Variants in DLG5 observed in about 807,000 individuals in gnomAD.
DLG5 encodes discs large MAGUK scaffold protein 5.
In DLG5, 48 loss-of-function variants were observed where a neutral mutation model predicts 189.8. The ratio of observed to expected loss-of-function variants is 0.25; its 90% CI spans 0.20 to 0.32. The LOEUF (loss-of-function observed/expected upper bound fraction) is 0.32, where lower values mean the gene tolerates loss of function less well. Among genes scored for constraint, DLG5 ranks in the 10% least tolerant of loss-of-function variants. The probability of loss-of-function intolerance (pLI) is 1.00; values close to 1 mark genes in which losing one functional copy is unlikely to be tolerated. For missense variants in DLG5, 2,160 were observed against 2,544.7 expected (o/e 0.85, Z 3.25); for synonymous variants, 1,016 against 1,054.1 (o/e 0.96, Z 0.70).
intron 1 of DLG5, among the ~76,000 whole-genome samples, chr10:77,910,988 A>G (rs917343581): frequency 1.2e-4 from 8 of 68,868 alleles, no homozygotes; most frequent in African/African-American, 2.4e-4. Context: ...TGTCTGAAGG[A>G]AAAAAAAAAA....
chr10:77,932,329 T>A, the DLG5 span, among the ~76,000 whole-genome samples: 1 of 152,224 alleles, frequency 6.6e-6, no homozygotes, highest in African/African-American at 2.4e-5. Flanking sequence ...AGTACCTTGT[T>A]ATCTGCTGTA....
intron 1 of DLG5, among the ~76,000 whole-genome samples, chr10:77,876,373 CTTTTTTTTTTTT>C (rs60644218): frequency 7.4e-6 from 1 of 134,914 alleles, no homozygotes; most frequent in African/African-American, 2.7e-5. Flanking sequence ...CCCCATCTCT[CTTTTTTTTTTTT>C]TTTTTTTGAA....
At chr10:77,832,630 C>T (rs1488592757) in intron 9 of DLG5, among the ~76,000 whole-genome samples, 1 of 152,228 alleles carries the variant, frequency 6.6e-6, no homozygotes, top group Non-Finnish European at 1.5e-5. Flanking sequence ...ACACAGACCC[C>T]CTCACCAGCA....
At chr10:77,798,857 GA>G (rs1209745654) in intron 27 of DLG5, among the ~76,000 whole-genome samples, 1 of 152,176 alleles carries the variant, frequency 6.6e-6, no homozygotes, top group African/African-American at 2.4e-5. Context: ...GAATGGTTTG[GA>G]AGAATATTAC....
chr10:77,810,111 A>G (rs1347440055), intron 23 of DLG5, among the ~76,000 whole-genome samples: 2 of 152,254 alleles, frequency 1.3e-5, no homozygotes, highest in African/African-American at 4.8e-5. Flanking sequence ...TGTCCAGAGC[A>G]CAGCAATGTA....
intron 1 of DLG5, among the ~76,000 whole-genome samples, chr10:77,894,421 A>AT (rs1221928247): frequency 6.7e-6 from 1 of 150,018 alleles, no homozygotes; most frequent in Non-Finnish European, 1.5e-5. Context: ...GAAAAGTTCT[A>AT]TTTTTCCCCA....
chr10:77,812,909 T>C (rs1464764799), intron 20 of DLG5, among the ~76,000 whole-genome samples: 1 of 152,260 alleles, frequency 6.6e-6, no homozygotes, highest in Non-Finnish European at 1.5e-5. Context: ...GCTGCAGCCA[T>C]GCACTTGCTG....
rs766333990 is a variant in DLG5, at chr10:77,829,452, G to A, written c.2088C>T (p.Leu696=). Reference sequence around the variant, plus strand: ...CCATGTTGATGGCCCCCTCCCCATTGAGGAGCGCCTTGATGGCCTGCTTCT... The same window carrying A: ...CCATGTTGATGGCCCCCTCCCCATTAAGGAGCGCCTTGATGGCCTGCTTCT... ...KDKKQAIKAL[L]NGEGAINMVV... The change falls in exon 12 of 32, where the codon CTC becomes CTT. Residue 696 remains leucine (L), a synonymous_variant. Coordinates refer to ENST00000372391, the MANE Select transcript of DLG5 (RefSeq NM_004747.4). The A allele has an allele frequency of 3.7e-6, 6 of 1,614,050 alleles. No homozygotes were observed. The African/African-American group carries it at 6.7e-5, about 18-fold the overall frequency.
At chr10:77,918,842 C>T (rs946021736) in intron 1 of DLG5, among the ~76,000 whole-genome samples, 1 of 152,142 alleles carries the variant, frequency 6.6e-6, no homozygotes, top group Non-Finnish European at 1.5e-5. Flanking sequence ...CACATCTTCC[C>T]AGGGTTTCAG....
At chr10:77,840,783 T>A (rs1843380258) in intron 7 of DLG5, among the ~76,000 whole-genome samples, 1 of 152,094 alleles carries the variant, frequency 6.6e-6, no homozygotes, top group African/African-American at 2.4e-5. Flanking sequence ...AGGAGGGCCA[T>A]CTCCCAGCAA....
chr10:77,843,722 T>A lies in DLG5; in HGVS notation c.865-16A>T. ...GCTTCAACACCTGGAGACCAGACAG[T>A]TTCACTTACCAAGGGTCTGTGGGAG... is the stretch of plus-strand genomic sequence containing the variant. On this transcript the variant is annotated splice_polypyrimidine_tract_variant and intron_variant, in intron 5 of 31. Transcript: ENST00000372391. 1 of 1,613,896 alleles carries A rather than the reference T, an allele frequency of 6.2e-7. No homozygotes were observed.
intron 4 of DLG5, 142 bp from the exon 5 acceptor site, chr10:77,853,679 C>A: frequency 1.2e-6 from 1 of 815,824 alleles, no homozygotes; most frequent in South Asian, 2.5e-5. Context: ...CTGTAGCACT[C>A]AGAGGCAAGC....
At chr10:77,909,780 C>A (rs778920317) in intron 1 of DLG5, among the ~76,000 whole-genome samples, 1 of 152,114 alleles carries the variant, frequency 6.6e-6, no homozygotes, top group East Asian at 1.9e-4. Context: ...GACTCAAAAC[C>A]AGCACATTTT....
intron 27 of DLG5, among the ~76,000 whole-genome samples, chr10:77,800,123 T>C (rs1841125247): frequency 6.6e-6 from 1 of 151,928 alleles, no homozygotes; most frequent in African/African-American, 2.4e-5. Flanking sequence ...TATGCAGCAG[T>C]TGGAAGCAAT....
At chr10:77,860,125 C>T (rs1371615192) in intron 2 of DLG5, among the ~76,000 whole-genome samples, 1 of 152,226 alleles carries the variant, frequency 6.6e-6, no homozygotes, top group Non-Finnish European at 1.5e-5. Context: ...CTGATAACAT[C>T]GTCCCCATTT....
At chr10:77,813,820 C>T (rs1205449022) in intron 20 of DLG5, among the ~76,000 whole-genome samples, 3 of 152,192 alleles carry the variant, frequency 2.0e-5, no homozygotes, top group Non-Finnish European at 2.9e-5. Flanking sequence ...GGACACACCA[C>T]GGGGTGGGGA....
chr10:77,918,289 T>C (rs1846428567), intron 1 of DLG5, among the ~76,000 whole-genome samples: 2 of 151,980 alleles, frequency 1.3e-5, no homozygotes, highest in African/African-American at 4.8e-5. Flanking sequence ...GGCACATGCC[T>C]GTAGTCCCAG....
intron 26 of DLG5, chr10:77,806,075 C>T (rs532857485): frequency 3.4e-5 from 17 of 503,358 alleles, no homozygotes; most frequent in Non-Finnish European, 5.6e-5. Context: ...GGCAAGCTCT[C>T]AGAGCAGGCG....
chr10:77,848,748 A>G (rs1843815195), intron 5 of DLG5, among the ~76,000 whole-genome samples: 1 of 151,694 alleles, frequency 6.6e-6, no homozygotes, highest in African/African-American at 2.4e-5. Context: ...AAATTAAACT[A>G]TATGGGTATT....
Sources: allele counts gnomAD v4.1 joint callset (sites outside exome capture counted in the v4.1 genomes callset), GRCh38; gene constraint gnomAD v4.1.1; transcripts MANE v1.5; gene names NCBI Gene and HGNC (gene_info 2026-07-23, HGNC 2026-07-21).